CDK13: variants seen among roughly 807,000 people sequenced by gnomAD.
CDK13 encodes the protein cyclin-dependent kinase 13.
A neutral mutation model predicts 137.6 loss-of-function variants in CDK13; 40 were observed. The ratio of observed to expected loss-of-function variants is 0.29; its 90% CI spans 0.23 to 0.38. The LOEUF (loss-of-function observed/expected upper bound fraction) is 0.38. Ranked by LOEUF, CDK13 falls within the 10% of genes least tolerant of loss-of-function variation. CDK13 has a pLI of 1.00. For missense variants in CDK13, 1,704 were observed against 1,951.8 expected (o/e 0.87, Z 2.39); for synonymous variants, 869 against 760.1 (o/e 1.14, Z -2.36).
chr7:40,038,287 A>G (rs917242191), intron 5 of CDK13, among the ~76,000 whole-genome samples: 4 of 152,158 alleles, frequency 2.6e-5, no homozygotes, highest in African/African-American at 4.8e-5. Context: ...AGTTTACTCC[A>G]TGTTAGTAGA....
intron 2 of CDK13, among the ~76,000 whole-genome samples, chr7:39,990,962 A>G (rs564706161): frequency 6.6e-6 from 1 of 152,380 alleles, no homozygotes; most frequent in Non-Finnish European, 1.5e-5. Context: ...ATTGTATAAT[A>G]TATAAACCAT....
chr7:39,952,156 C>T, intron 1 of CDK13: 1 of 287,440 alleles, frequency 3.5e-6, no homozygotes, highest in Non-Finnish European at 6.4e-6. Context: ...CTCTCAGTTG[C>T]TCTTTGCTTT....
At chr7:40,031,471 G>A (rs1264657074) in intron 5 of CDK13, among the ~76,000 whole-genome samples, 2 of 151,920 alleles carry the variant, frequency 1.3e-5, no homozygotes, top group East Asian at 1.9e-4. Context: ...GCAGTGAGCC[G>A]AGATCATGCC....
intron 6 of CDK13, 55 bp from the exon 7 acceptor site, chr7:40,047,766 T>A: frequency 8.5e-7 from 1 of 1,183,264 alleles, no homozygotes; most frequent in African/African-American, 1.5e-5. Context: ...TAAATGTGTA[T>A]TGTCAATTAA....
intron 1 of CDK13, among the ~76,000 whole-genome samples, chr7:39,968,415 T>C (rs1783919350): frequency 6.6e-6 from 1 of 152,140 alleles, no homozygotes; most frequent in African/African-American, 2.4e-5. Context: ...CCCCTGTTTA[T>C]TTTTAAGACA....
At chr7:40,086,712 T>C (rs1786794428) in intron 11 of CDK13, among the ~76,000 whole-genome samples, 1 of 152,022 alleles carries the variant, frequency 6.6e-6, no homozygotes, top group Admixed American at 6.6e-5. Flanking sequence ...GTCTGTAGCA[T>C]CAGTTTAATT....
At position 40,054,151 on chromosome 7, in the gene CDK13, A is replaced by G. The variant is rs551718513; in HGVS notation, c.2600+6274A>G. Among the ~76,000 whole-genome samples the G allele has an allele frequency of 4.6e-5, 7 of 152,222 alleles. No homozygotes were observed. The South Asian group carries it at 1.2e-3, about 27-fold the overall frequency. On this transcript the variant is annotated intron_variant, in intron 7 of 13. Transcript: ENST00000181839. ...ATGGCAATTTTTAGAGTTCTTTTTT[A>G]GTAAAGGGTCTGCTGAATTTTGCTT...
In CDK13 at chr7:40,046,138, A is replaced by G. The variant is rs1049403289; in HGVS notation, c.2543+113A>G. The G allele has an allele frequency of 1.9e-5, 13 of 674,482 alleles. No homozygotes were observed. The Admixed American group carries it at 2.4e-4, about 12-fold the overall frequency. 41.8% of individuals were successfully genotyped at this position (674,482 alleles called of 1,614,324 possible). On this transcript the variant is annotated intron_variant, in intron 6 of 13. Transcript: ENST00000181839. Reference sequence around the variant, plus strand: ...GGAATGTCGGGGGTGGTGAGCGTTGAAAGTTACCTATTAGGTACAGTGTCC... The same window carrying G: ...GGAATGTCGGGGGTGGTGAGCGTTGGAAGTTACCTATTAGGTACAGTGTCC...
intron 1 of CDK13, among the ~76,000 whole-genome samples, chr7:39,967,741 C>T (rs1159301664): frequency 8.5e-5 from 13 of 152,170 alleles, no homozygotes; most frequent in Admixed American, 8.5e-4. Flanking sequence ...TATACACTTG[C>T]CAACACTTGT....
chr7:40,048,463 T>C (rs1295968571), intron 7 of CDK13: 1 of 152,186 alleles, frequency 6.6e-6, no homozygotes, highest in Non-Finnish European at 1.5e-5. Flanking sequence ...TAAAATATTT[T>C]TGTGCAATAG....
intron 5 of CDK13, among the ~76,000 whole-genome samples, chr7:40,013,582 A>G (rs1784941744): frequency 6.6e-6 from 1 of 152,174 alleles, no homozygotes; most frequent in South Asian, 2.1e-4. Flanking sequence ...CAGAATATAG[A>G]TTGGTGATTG....
chr7:39,964,116 G>A (rs1167975626), intron 1 of CDK13, among the ~76,000 whole-genome samples: 10 of 152,162 alleles, frequency 6.6e-5, no homozygotes, highest in Non-Finnish European at 1.3e-4. Context: ...TTTGGTATCA[G>A]GATGATGCTG....
intron 9 of CDK13, among the ~76,000 whole-genome samples, chr7:40,075,940 C>A (rs532879033): frequency 5.2e-4 from 79 of 152,306 alleles, no homozygotes; most frequent in Non-Finnish European, 7.6e-4. Flanking sequence ...ACATAGTGTT[C>A]CTCCCAAATG....
At chr7:39,967,389 G>A (rs767246172) in intron 1 of CDK13, among the ~76,000 whole-genome samples, 2 of 151,736 alleles carry the variant, frequency 1.3e-5, no homozygotes, top group Non-Finnish European at 2.9e-5. Flanking sequence ...ATCGCGCCAC[G>A]CCTCTGCACT....
chr7:39,987,364 A>T (rs918712807), intron 1 of CDK13, among the ~76,000 whole-genome samples: 24 of 152,130 alleles, frequency 1.6e-4, no homozygotes, highest in Admixed American at 1.6e-3. Flanking sequence ...TTTTCGTCCT[A>T]ATTTTTACAT....
chr7:39,951,701 C>T lies in CDK13; in HGVS notation c.1060C>T (p.Arg354Trp), dbSNP rs765178497. The T allele has an allele frequency of 6.8e-7, 1 of 1,467,360 alleles. No homozygotes were observed. The highest frequency in any genetic ancestry group is 1.4e-5 in the South Asian group (1 of 71,478). 90.9% of individuals were successfully genotyped at this position (1,467,360 alleles called of 1,614,324 possible). A position where few individuals can be genotyped will look rare whatever the true frequency, so the allele number is the denominator to read the frequency against. Residue 354 changes from arginine (R) to tryptophan (W), a missense_variant, in exon 1 of 14, where the codon CGG becomes TGG. Transcript: ENST00000181839. ...AGGTGGCAGCAGCCCCTATTCTCGG[C>T]GGCTGCCGCGCTCCCCGAGCCCCTA... The part of the protein sequence containing the change: ...AGGGSSPYSR[R>W]LPRSPSPYSR...
At chr7:40,003,343 C>T (rs1562723197) in intron 5 of CDK13, among the ~76,000 whole-genome samples, 1 of 152,074 alleles carries the variant, frequency 6.6e-6, no homozygotes, top group Non-Finnish European at 1.5e-5. Flanking sequence ...TAATTGATGT[C>T]ACTTCTGTTA....
At chr7:40,061,465 C>G (rs1786146995) in intron 7 of CDK13, 1 of 152,144 alleles carries the variant, frequency 6.6e-6, no homozygotes, top group African/African-American at 2.4e-5. Context: ...TCAGGCAGAT[C>G]TTACACTGCC....
At chr7:40,026,517 A>G (rs1242275244) in intron 5 of CDK13, among the ~76,000 whole-genome samples, 1 of 152,262 alleles carries the variant, frequency 6.6e-6, no homozygotes, top group African/African-American at 2.4e-5. Flanking sequence ...TGCCTCAGAA[A>G]TAAATAAATA....
Sources: gnomAD v4.1 joint callset for allele counts (sites outside exome capture counted in the v4.1 genomes callset) on GRCh38, gnomAD v4.1.1 for gene constraint, MANE v1.5 for transcripts, NCBI Gene and HGNC (gene_info 2026-07-23, HGNC 2026-07-21) for gene names.